The following TINAG variants were observed in gnomAD, a reference collection of about 807,000 sequenced individuals.
TINAG encodes the protein tubulointerstitial nephritis antigen.
A neutral mutation model predicts 72.7 loss-of-function variants in TINAG; 83 were observed. The observed-to-expected ratio is 1.14, with a 90% CI of 0.96 to 1.37. The LOEUF (loss-of-function observed/expected upper bound fraction) is 1.37, where lower values mean the gene tolerates loss of function less well. TINAG is among the 40% of genes most tolerant of loss of function. TINAG has a pLI of 0.00. For synonymous variants in TINAG, 234 were observed against 189.9 expected, an observed-to-expected ratio of 1.23 and a Z score of -1.91; for missense variants, 685 against 576.6, an observed-to-expected ratio of 1.19 and a Z score of -1.93.
rs150208672 is a variant in TINAG, at chr6:54,360,079, C to T, written c.1250+5443C>T. On this transcript the variant is annotated intron_variant, in intron 9 of 10. Transcript: ENST00000259782. ...ACAAGGAGGATTGATTTATAGTCCT[C>T]CTCTTAAGGAGTTTAGCGGGTGAGG... Among the ~76,000 whole-genome samples the T allele has an allele frequency of 9.9e-5, 15 of 151,864 alleles. No individual in the cohort carries two copies. The East Asian group carries it at 2.9e-3, about 30-fold the overall frequency.
At chr6:54,364,657 A>AT (rs1455278533) in intron 9 of TINAG, among the ~76,000 whole-genome samples, 1 of 151,382 alleles carries the variant, frequency 6.6e-6, no homozygotes, top group Non-Finnish European at 1.5e-5. Context: ...AGGAAATAAT[A>AT]TTTTACAGGT....
At chr6:54,338,719 C>CAA (rs57231980) in intron 4 of TINAG, among the ~76,000 whole-genome samples, 651 of 56,486 alleles carry the variant, frequency 0.012, 17 homozygotes, top group Non-Finnish European at 0.016. Flanking sequence ...GACTCTGTCT[C>CAA]AAAAAAAAAA....
chr6:54,326,753 A>G lies in TINAG; in HGVS notation c.510-49A>G. The G allele has an allele frequency of 5.9e-6, 8 of 1,361,176 alleles. No homozygotes were observed. In the South Asian group the frequency reaches 1.1e-4, roughly 18 times the overall value. 84.3% of individuals were successfully genotyped at this position (1,361,176 alleles called of 1,614,324 possible). A position where few individuals can be genotyped will look rare whatever the true frequency, so the allele number is the denominator to read the frequency against. Reference sequence around the variant, plus strand: ...AAAATGTATTTATAAAAGTGATGTCATATAACCTGTATATATTTTTCTATA... The same window carrying G: ...AAAATGTATTTATAAAAGTGATGTCGTATAACCTGTATATATTTTTCTATA... On this transcript the variant is annotated intron_variant, in intron 3 of 10. Transcript: ENST00000259782.
At chr6:54,374,506 A>C (rs1444438027) in intron 9 of TINAG, among the ~76,000 whole-genome samples, 2 of 152,086 alleles carry the variant, frequency 1.3e-5, no homozygotes, top group Non-Finnish European at 2.9e-5. Flanking sequence ...ATTCAATAAC[A>C]CTTCATTTAC....
intron 10 of TINAG, among the ~76,000 whole-genome samples, chr6:54,381,057 TAC>T (rs974899278): frequency 3.4e-5 from 5 of 148,812 alleles, no homozygotes; most frequent in African/African-American, 1.2e-4. Context: ...CATATATATA[TAC>T]ACATATATGT....
intron 9 of TINAG, 143 bp from the exon 10 acceptor site, chr6:54,380,383 G>A: frequency 1.7e-6 from 1 of 576,392 alleles, no homozygotes; most frequent in Non-Finnish European, 3.0e-6. Flanking sequence ...TTTCTGTAGG[G>A]CAATGGTGAT....
chr6:54,376,941 C>T (rs763419888), intron 9 of TINAG, among the ~76,000 whole-genome samples: 1 of 152,100 alleles, frequency 6.6e-6, no homozygotes, highest in Non-Finnish European at 1.5e-5. Flanking sequence ...TCAGGCAGCA[C>T]TCATGCATCC....
chr6:54,308,717 A>G lies in TINAG; in HGVS notation c.167A>G (p.Tyr56Cys). 2.5e-6 allele frequency: 4 copies of G among 1,613,918 alleles called. No individual in the cohort carries two copies. The highest frequency in any genetic ancestry group is 3.4e-6 in the Non-Finnish European group (4 of 1,179,898). Residue 56 changes from tyrosine to cysteine, a missense_variant, in exon 1 of 11, where the codon TAC (tyrosine) becomes TGC (cysteine). Tyr to Cys is a radical substitution (Grantham distance 194). Transcript: ENST00000259782. Reference sequence around the variant, plus strand: ...AAAAGAGCCATTTTCCAAGGGCAATACTGTAGAAATTTTGGCTGTTGTGAA... The same window carrying G: ...AAAAGAGCCATTTTCCAAGGGCAATGCTGTAGAAATTTTGGCTGTTGTGAA... ...RFKRAIFQGQ[Y>C]CRNFGCCEDR...
At chr6:54,383,338 C>T (rs1764006168) in intron 10 of TINAG, among the ~76,000 whole-genome samples, 1 of 152,050 alleles carries the variant, frequency 6.6e-6, no homozygotes, top group Non-Finnish European at 1.5e-5. Context: ...TGTTTCAAAG[C>T]ATTTACAAAT....
At chr6:54,358,314 TG>T (rs1473561160) in intron 9 of TINAG, among the ~76,000 whole-genome samples, 3 of 151,912 alleles carry the variant, frequency 2.0e-5, no homozygotes, top group African/African-American at 4.8e-5. Flanking sequence ...TTTTTTATGT[TG>T]ATTGTATATT....
intron 4 of TINAG, among the ~76,000 whole-genome samples, chr6:54,337,081 A>G (rs1784882197): frequency 6.6e-6 from 1 of 151,972 alleles, no homozygotes; most frequent in Non-Finnish European, 1.5e-5. Flanking sequence ...TTTTTTAATC[A>G]TCTGGATACT....
chr6:54,347,299 A>G, intron 5 of TINAG, 68 bp from the exon 6 acceptor site: 1 of 1,512,182 alleles, frequency 6.6e-7, no homozygotes, highest in Non-Finnish European at 9.0e-7. Flanking sequence ...TCAAACAAAA[A>G]GGGTTATGTA....
rs187900969 is a variant in TINAG at position 54,378,420 on chromosome 6, C to T, written c.1251-2106C>T. Reference sequence around the variant, plus strand: ...AATGACTGGTGTTTTAAATGAGCGTCTTAAAATTATATATAATAAACATGT... The same window carrying T: ...AATGACTGGTGTTTTAAATGAGCGTTTTAAAATTATATATAATAAACATGT... On this transcript the variant is annotated intron_variant, in intron 9 of 10. Transcript: ENST00000259782. Among the ~76,000 whole-genome samples the T allele has an allele frequency of 2.1e-3, 322 of 152,164 alleles. 1 individual carries two copies. The highest frequency in any genetic ancestry group is 3.6e-3 in the Non-Finnish European group (247 of 67,994).
chr6:54,359,908 G>C (rs1562172553), intron 9 of TINAG, among the ~76,000 whole-genome samples: 2 of 151,794 alleles, frequency 1.3e-5, no homozygotes, highest in East Asian at 3.9e-4. Flanking sequence ...CCTTATCAGA[G>C]AACTTAATAT....
At chr6:54,351,233 C>T (rs184391442) in intron 7 of TINAG, 119 bp from the exon 8 acceptor site, 10 of 756,466 alleles carry the variant, frequency 1.3e-5, no homozygotes, top group South Asian at 3.4e-5. Flanking sequence ...GCATAATATA[C>T]GTGAGTTTTT....
At chr6:54,319,006 A>G (rs1784432667) in intron 1 of TINAG, among the ~76,000 whole-genome samples, 1 of 152,050 alleles carries the variant, frequency 6.6e-6, no homozygotes, top group African/African-American at 2.4e-5. Context: ...GTGGCTTGGT[A>G]ATGGCGGTCC....
At chr6:54,348,542 G>A (rs1785182768) in intron 6 of TINAG, among the ~76,000 whole-genome samples, 1 of 152,064 alleles carries the variant, frequency 6.6e-6, no homozygotes, top group Non-Finnish European at 1.5e-5. Flanking sequence ...TTGGTTCTTG[G>A]TGAGGGCTCT....
At chr6:54,359,434 C>A (rs1763158154) in intron 9 of TINAG, among the ~76,000 whole-genome samples, 1 of 151,780 alleles carries the variant, frequency 6.6e-6, no homozygotes, top group Non-Finnish European at 1.5e-5. Context: ...TTTGGAGCCT[C>A]CTTTGATTTA....
chr6:54,326,147 T>A (rs9382323), intron 3 of TINAG, among the ~76,000 whole-genome samples: 109,614 of 151,592 alleles, frequency 0.72, 40,086 homozygotes, highest in East Asian at 0.84. Flanking sequence ...TTGAAGAGAA[T>A]TTTTTTTCTA....
Sources: allele counts gnomAD v4.1 joint callset (sites outside exome capture counted in the v4.1 genomes callset), GRCh38; gene constraint gnomAD v4.1.1; transcripts MANE v1.5; gene names NCBI Gene and HGNC (gene_info 2026-07-23, HGNC 2026-07-21).